The following AZIN1 variants were observed in gnomAD, a reference collection of about 807,000 sequenced individuals.
AZIN1 encodes the protein antizyme inhibitor 1, also known as ornithine decarboxylase antizyme inhibitor.
AZIN1 carries 12 observed loss-of-function variants against 47.4 expected under a neutral mutation model. The observed-to-expected ratio is 0.25, with a 90% CI of 0.16 to 0.41. AZIN1 has a LOEUF of 0.41. Among genes scored for constraint, AZIN1 ranks in the 10% least tolerant of loss-of-function variants. The probability of loss-of-function intolerance (pLI) is 1.00; values close to 1 mark genes in which losing one functional copy is unlikely to be tolerated. For synonymous variants in AZIN1, 155 were observed against 176.3 expected (o/e 0.88, Z 0.96); for missense variants, 410 against 532.4 (o/e 0.77, Z 2.26).
intron 1 of AZIN1, among the ~76,000 whole-genome samples, chr8:102,861,269 C>G (rs929267352): frequency 4.6e-5 from 7 of 152,108 alleles, no homozygotes; most frequent in Non-Finnish European, 1.0e-4. Flanking sequence ...CTCTTGTCCC[C>G]CAGGCTGGAG....
chr8:102,834,155 T>C, intron 8 of AZIN1, 34 bp downstream of exon 8: 1 of 1,566,302 alleles, frequency 6.4e-7, no homozygotes, highest in Non-Finnish European at 8.8e-7. Flanking sequence ...AAGAAAGCAA[T>C]TATTCTGTTA....
chr8:102,834,225 A>G lies in AZIN1; in HGVS notation c.705T>C (p.Gly235=), dbSNP rs769957250. The G allele has an allele frequency of 3.0e-5, 49 of 1,612,672 alleles. No homozygotes were observed. Among genetic ancestry groups the G allele is most frequent in the Non-Finnish European group, 4.0e-5 (47 of 1,179,838 alleles). The change falls in exon 8 of 12, where the codon GGT becomes GGC. Residue 235 remains glycine (G), a synonymous_variant. Transcript: ENST00000337198. ...GAAATTCAGTTCCCGTGAATCCTCC[A>G]CCAATGTCTAACATGTTCATCGTAA... ...IGFTMNMLDI[G]GGFTGTEFQL...
In AZIN1 at chr8:102,828,504, C is replaced by T. The variant is rs927104462; in HGVS notation, c.*63G>A. The T allele has an allele frequency of 3.7e-6, 4 of 1,087,800 alleles. No homozygotes were observed. The highest frequency in any genetic ancestry group is 1.6e-5 in the African/African-American group (1 of 63,064). 67.4% of individuals were successfully genotyped at this position (1,087,800 alleles called of 1,614,324 possible). A position where few individuals can be genotyped will look rare whatever the true frequency, so the allele number is the denominator to read the frequency against. On this transcript the variant is annotated 3_prime_UTR_variant, in exon 12 of 12. Transcript: ENST00000337198. The stretch of plus-strand genomic sequence containing the variant: ...AGATTGTTTAAATTATTTTTCCACA[C>T]TGGAATGTTGACCAGACAAGCTTAA...
rs1811169956 is a variant in AZIN1, at chr8:102,827,332, C to G, written c.*1235G>C. The G allele has an allele frequency of 6.6e-6, 1 of 152,124 alleles. No individual in the cohort carries two copies. Among genetic ancestry groups the G allele is most frequent in the Non-Finnish European group, 1.5e-5 (1 of 68,004 alleles). The allele number at this position is 152,124 out of a possible 1,614,324, so 9.4% of individuals were successfully genotyped here. A position where few individuals can be genotyped will look rare whatever the true frequency, so the allele number is the denominator to read the frequency against. ...AGTGATGCTAACTCCCTTCCCCCAA[C>G]CACCATAAAATTTTAGTAAGAAAAG... is the stretch of plus-strand genomic sequence containing the variant. On this transcript the variant is annotated 3_prime_UTR_variant, in exon 12 of 12. Transcript: ENST00000337198.
At chr8:102,863,369 CG>C (rs1563555693) in intron 1 of AZIN1, among the ~76,000 whole-genome samples, 1 of 151,622 alleles carries the variant, frequency 6.6e-6, no homozygotes, top group Non-Finnish European at 1.5e-5. Context: ...AAGGTGGCGG[CG>C]GCGCACCGCG....
intron 8 of AZIN1, among the ~76,000 whole-genome samples, chr8:102,833,710 G>A (rs1285966078): frequency 6.6e-6 from 1 of 151,364 alleles, no homozygotes; most frequent in Non-Finnish European, 1.5e-5. Context: ...ATCATTTGAG[G>A]CCAGGAGTTC....
chr8:102,858,105 C>G lies in AZIN1; in HGVS notation c.-188G>C, dbSNP rs1437386625. The G allele has an allele frequency of 5.0e-6, 2 of 398,898 alleles. No homozygotes were observed. The highest frequency in any genetic ancestry group is 8.8e-6 in the Non-Finnish European group (2 of 226,056). The allele number at this position is 398,898 out of a possible 1,614,324, so 24.7% of individuals were successfully genotyped here. On this transcript the variant is annotated 5_prime_UTR_variant, in exon 2 of 12. Coordinates refer to ENST00000337198, the MANE Select transcript of AZIN1 (RefSeq NM_148174.4). ...TCGAACTGCTCTCTATACAGCACTTCTCCTAGGCCCTCTGGGTAGTTGTAT... is the reference window on the plus strand; with the variant it reads ...TCGAACTGCTCTCTATACAGCACTTGTCCTAGGCCCTCTGGGTAGTTGTAT...
At position 102,827,165 on chromosome 8, in the gene AZIN1, G is replaced by A. The variant is rs1207608316; in HGVS notation, c.*1402C>T. On this transcript the variant is annotated 3_prime_UTR_variant, in exon 12 of 12. Transcript: ENST00000337198. ...AAAGTGAAGTCACATTTCCTCTTGG[G>A]AGACAGAAATTCCACACCTGAACAC... The A allele has an allele frequency of 6.6e-6, 1 of 152,500 alleles. No individual in the cohort carries two copies. Among genetic ancestry groups the A allele is most frequent in the African/African-American group, 2.4e-5 (1 of 41,392 alleles). The allele number at this position is 152,500 out of a possible 1,614,324, so 9.4% of individuals were successfully genotyped here. A position where few individuals can be genotyped will look rare whatever the true frequency, so the allele number is the denominator to read the frequency against.
chr8:102,829,424 A>C lies in AZIN1; in HGVS notation c.1083T>G (p.Leu361=), dbSNP rs906940243. The C allele has an allele frequency of 1.2e-6, 2 of 1,614,110 alleles. No homozygotes were observed. Among genetic ancestry groups the C allele is most frequent in the Admixed American group, 3.3e-5 (2 of 60,026 alleles). ...SSLWGPSCDE[L]DQIVESCLLP... ...GAAGACAGCTTTCCACAATTTGATCAAGCTCATCACAGGATGGACCCCAAA... is the reference window on the plus strand; with the variant it reads ...GAAGACAGCTTTCCACAATTTGATCCAGCTCATCACAGGATGGACCCCAAA... The change falls in exon 11 of 12, where the codon CTT becomes CTG. Residue 361 remains leucine, a synonymous_variant. Coordinates refer to ENST00000337198, the MANE Select transcript of AZIN1 (RefSeq NM_148174.4).
chr8:102,843,551 C>T lies in AZIN1; in HGVS notation c.102G>A (p.Leu34=), dbSNP rs1812358692. ...ACTGTATTTGAGAAATGGCACTTAC[C>T]AGGGTATGTTCATAAACATAGTTAT... ...VIDNYVYEHT[L]TGKNAFFVGD... is the part of the protein sequence containing the mutation. The change falls in exon 3 of 12, where the codon CTG becomes CTA. Residue 34 remains leucine (L), a splice_region_variant and synonymous_variant. Transcript: ENST00000337198. 1.2e-6 allele frequency: 2 copies of T among 1,610,310 alleles called. No homozygotes were observed. The highest frequency in any genetic ancestry group is 8.5e-7 in the Non-Finnish European group (1 of 1,177,078).
rs188129323 is a variant in AZIN1 at position 102,827,406 on chromosome 8, A to G, written c.*1161T>C. ...AACAAATTGGAAATAACAAGAAACT[A>G]AGGGGACAGTTCAAACCAACAACAA... On this transcript the variant is annotated 3_prime_UTR_variant, in exon 12 of 12. Coordinates refer to ENST00000337198, the MANE Select transcript of AZIN1 (RefSeq NM_148174.4). 5.9e-5 allele frequency: 9 copies of G among 152,314 alleles called. No homozygotes were observed. Among genetic ancestry groups the G allele is most frequent in the South Asian group, 2.1e-4 (1 of 4,832 alleles). 9.4% of individuals were successfully genotyped at this position (152,314 alleles called of 1,614,324 possible).
At chr8:102,835,742 G>T (rs1003027956) in intron 6 of AZIN1, among the ~76,000 whole-genome samples, 1 of 152,152 alleles carries the variant, frequency 6.6e-6, no homozygotes, top group Admixed American at 6.5e-5. Context: ...AGTAGCAATG[G>T]GCTGGCAAAT....
In AZIN1 at chr8:102,829,481, G is replaced by A. The variant is rs62522600; in HGVS notation, c.1026C>T (p.Tyr342=). The change falls in exon 11 of 12, where the codon TAC becomes TAT. Residue 342 remains tyrosine, a synonymous_variant. Coordinates refer to ENST00000337198, the MANE Select transcript of AZIN1 (RefSeq NM_148174.4). ...TTGTAAACAGAGGCTCATCTTCCTTGTATTTCTGTAGGAAAAGTTTTACAA... is the reference window on the plus strand; with the variant it reads ...TTGTAAACAGAGGCTCATCTTCCTTATATTTCTGTAGGAAAAGTTTTACAA... The part of the protein sequence containing the change: ...LNTIPEVHKK[Y]KEDEPLFTSS... 0.06 allele frequency: 96,278 copies of A among 1,596,690 alleles called. 3,397 individuals are homozygous for A. Among genetic ancestry groups the A allele is most frequent in the Non-Finnish European group, 0.071 (83,816 of 1,174,676 alleles).
In AZIN1 at chr8:102,847,365, A is replaced by T. The variant is rs553976272; in HGVS notation, c.-95-3618T>A. ...ACCCATCTCTTAAAAAAAAAAAAAA[A>T]AAAACAATAAAGCTCTAATGGAGGT... On this transcript the variant is annotated intron_variant, in intron 2 of 11. Coordinates refer to ENST00000337198, the MANE Select transcript of AZIN1 (RefSeq NM_148174.4). Among the ~76,000 whole-genome samples the T allele has an allele frequency of 3.3e-4, 47 of 144,224 alleles. 1 individual carries two copies. Among genetic ancestry groups the T allele is most frequent in the South Asian group, 1.7e-3 (7 of 4,234 alleles). The allele number at this position is 144,224 out of a possible 152,430, so 94.6% of individuals were successfully genotyped here.
intron 2 of AZIN1, among the ~76,000 whole-genome samples, chr8:102,844,450 C>A (rs1440157863): frequency 1.3e-5 from 2 of 152,060 alleles, no homozygotes; most frequent in Non-Finnish European, 2.9e-5. Context: ...CTGCCTAAGC[C>A]TTACCTCAAG....
chr8:102,862,871 AAC>A (rs1813782458), intron 1 of AZIN1, among the ~76,000 whole-genome samples: 1 of 152,222 alleles, frequency 6.6e-6, no homozygotes, highest in Non-Finnish European at 1.5e-5. Context: ...TTGTCTACGA[AAC>A]ACACATTCAG....
chr8:102,838,933 A>C lies in AZIN1; in HGVS notation c.277-17T>G. ...CATTTCATTCTGTGAAAATGAGGTT[A>C]AAGTGAGAATACATAATGTCACAGT... On this transcript the variant is annotated splice_polypyrimidine_tract_variant and intron_variant, in intron 4 of 11. Transcript: ENST00000337198. The C allele has an allele frequency of 6.2e-7, 1 of 1,602,696 alleles. No homozygotes were observed. The highest frequency in any genetic ancestry group is 8.5e-7 in the Non-Finnish European group (1 of 1,173,196).
At chr8:102,845,705 T>C (rs925469047) in intron 2 of AZIN1, among the ~76,000 whole-genome samples, 1 of 152,128 alleles carries the variant, frequency 6.6e-6, no homozygotes, top group Non-Finnish European at 1.5e-5. Flanking sequence ...TCCTGTTAAG[T>C]TTAACATCAC....
At chr8:102,846,615 C>T (rs1354204533) in intron 2 of AZIN1, among the ~76,000 whole-genome samples, 1 of 152,094 alleles carries the variant, frequency 6.6e-6, no homozygotes, top group Non-Finnish European at 1.5e-5. Context: ...GCTTCCCCAG[C>T]ACCCCATCCC....
Sources: gnomAD v4.1 joint callset for allele counts (sites outside exome capture counted in the v4.1 genomes callset) on GRCh38, gnomAD v4.1.1 for gene constraint, MANE v1.5 for transcripts, NCBI Gene and HGNC (gene_info 2026-07-23, HGNC 2026-07-21) for gene names.